Variants in TTLL1 observed in about 807,000 individuals in gnomAD.
TTLL1 encodes the protein TTL family tubulin polyglutamylase complex subunit L1.
A neutral mutation model predicts 47.8 loss-of-function variants in TTLL1; 33 were observed. That is an observed-to-expected ratio of 0.69 (90% CI 0.52 to 0.92). TTLL1 has a LOEUF of 0.92. TTLL1 is among the 40% of genes least tolerant of loss of function. TTLL1 has a pLI of 0.00. For missense variants in TTLL1, 488 were observed against 547.5 expected, an observed-to-expected ratio of 0.89 and a Z score of 1.08; for synonymous variants, 225 against 214.1, an observed-to-expected ratio of 1.05 and a Z score of -0.45.
chr22:43,064,787 C>G (rs1057282452), intron 5 of TTLL1, among the ~76,000 whole-genome samples: 1 of 151,860 alleles, frequency 6.6e-6, no homozygotes, highest in Non-Finnish European at 1.5e-5. Flanking sequence ...TTGCCACAGA[C>G]TAGGGATAAA....
At position 43,087,934 on chromosome 22, in the gene TTLL1, G is replaced by T. The variant is rs148799366; in HGVS notation, c.-90+1343C>A. 4.4e-3 allele frequency among the ~76,000 whole-genome samples: 665 copies of T among 151,548 alleles called. 3 individuals are homozygous for T. The highest frequency in any genetic ancestry group is 0.015 in the African/African-American group (636 of 41,236). ...AGGCCGAGGTGGGCGGATCACCTGAGGTCAGGAGCTCGAGACCAGCCTGGC... is the reference window on the plus strand; with the variant it reads ...AGGCCGAGGTGGGCGGATCACCTGATGTCAGGAGCTCGAGACCAGCCTGGC... On this transcript the variant is annotated intron_variant, in intron 1 of 10. Transcript: ENST00000266254.
At chr22:43,075,993 G>T (rs1012495614) in intron 2 of TTLL1, among the ~76,000 whole-genome samples, 1 of 152,188 alleles carries the variant, frequency 6.6e-6, no homozygotes, top group African/African-American at 2.4e-5. Context: ...GGGGCACATG[G>T]GGCTCTGAGA....
At chr22:43,072,917 T>C (rs1928222275) in intron 3 of TTLL1, among the ~76,000 whole-genome samples, 1 of 152,236 alleles carries the variant, frequency 6.6e-6, no homozygotes, top group Non-Finnish European at 1.5e-5. Flanking sequence ...ATCTTTAATC[T>C]GCCACAAATT....
chr22:43,046,190 C>T (rs1010450225), intron 10 of TTLL1, among the ~76,000 whole-genome samples: 1 of 152,076 alleles, frequency 6.6e-6, no homozygotes, highest in African/African-American at 2.4e-5. Context: ...CACTGCAACC[C>T]AGCCTTGGCG....
chr22:43,058,793 C>T (rs959611571), intron 8 of TTLL1, among the ~76,000 whole-genome samples: 2 of 151,910 alleles, frequency 1.3e-5, no homozygotes, highest in Admixed American at 6.6e-5. Context: ...CTCCTGGGTT[C>T]AAGCAATTCT....
At chr22:43,085,055 C>T (rs1213948075) in intron 1 of TTLL1, among the ~76,000 whole-genome samples, 2 of 147,958 alleles carry the variant, frequency 1.4e-5, no homozygotes, top group Non-Finnish European at 3.0e-5. Context: ...GTAACCTCCA[C>T]TTTCCAGGTT....
At chr22:43,068,307 ACT>A (rs1927880593) in intron 5 of TTLL1, 101 bp downstream of exon 5, 6 of 1,041,184 alleles carry the variant, frequency 5.8e-6, no homozygotes, top group South Asian at 5.3e-5. Flanking sequence ...ACAGAGTGAG[ACT>A]CTGTCAAAAA....
In TTLL1 at chr22:43,075,529, A is replaced by C; in HGVS notation, c.58T>G (p.Phe20Val). The change falls in exon 3 of 11, where the codon TTT (phenylalanine) becomes GTT (valine). Residue 20 changes from phenylalanine to valine, a missense_variant. Physicochemically the swap from Phe to Val is conservative, Grantham distance 50 (BLOSUM62 -1). Transcript: ENST00000266254. ...DIEKSVLINNFEKRGWVQVTE... is the reference protein window; with the variant it reads ...DIEKSVLINNVEKRGWVQVTE... ...ACTTGGACCCATCCTCTCTTTTCAAAGTTATTGATCAGCACTGACTTCTCG... is the reference window on the plus strand; with the variant it reads ...ACTTGGACCCATCCTCTCTTTTCAACGTTATTGATCAGCACTGACTTCTCG... 1.2e-6 allele frequency: 2 copies of C among 1,614,176 alleles called. No individual in the cohort carries two copies. The highest frequency in any genetic ancestry group is 1.7e-6 in the Non-Finnish European group (2 of 1,180,038).
At chr22:43,072,761 T>G (rs1261416601) in intron 3 of TTLL1, among the ~76,000 whole-genome samples, 2 of 152,144 alleles carry the variant, frequency 1.3e-5, no homozygotes, top group East Asian at 3.9e-4. Flanking sequence ...CATGAGTCAC[T>G]GCACCCAGGC....
rs7285375 is a variant in TTLL1, at chr22:43,075,863, C to A, written c.-4-273G>T. On this transcript the variant is annotated intron_variant, in intron 2 of 10. Coordinates refer to ENST00000266254, the MANE Select transcript of TTLL1 (RefSeq NM_012263.5). ...CAGATGACCCCTCACAACCAATTATCCAGCCCCAAATGTCAACTGTGCCAA... is the reference window on the plus strand; with the variant it reads ...CAGATGACCCCTCACAACCAATTATACAGCCCCAAATGTCAACTGTGCCAA... Among the ~76,000 whole-genome samples the A allele has an allele frequency of 3.4e-3, 518 of 152,340 alleles. 4 individuals are homozygous for A. The highest frequency in any genetic ancestry group is 0.012 in the African/African-American group (495 of 41,584).
chr22:43,066,535 G>A (rs1021900303), intron 5 of TTLL1, among the ~76,000 whole-genome samples: 14 of 151,612 alleles, frequency 9.2e-5, no homozygotes, highest in African/African-American at 3.4e-4. Flanking sequence ...ATCAACCTGG[G>A]CAACATGATG....
intron 3 of TTLL1, among the ~76,000 whole-genome samples, chr22:43,071,790 G>T (rs1039810702): frequency 6.6e-6 from 1 of 152,224 alleles, no homozygotes; most frequent in African/African-American, 2.4e-5. Context: ...CACTGACTGA[G>T]GTCATTCAGA....
chr22:43,069,576 G>A (rs375141671), intron 4 of TTLL1, 60 bp downstream of exon 4: 136 of 1,608,334 alleles, frequency 8.5e-5, no homozygotes, highest in African/African-American at 1.1e-4. Flanking sequence ...AGCGCCTCGC[G>A]CCCCAAAGAA....
At chr22:43,060,492 C>T (rs1245497383) in intron 7 of TTLL1, among the ~76,000 whole-genome samples, 1 of 105,596 alleles carries the variant, frequency 9.5e-6, no homozygotes, top group East Asian at 4.2e-4. Context: ...GGAAGCCAAC[C>T]TAAGACACTG....
At chr22:43,047,569 A>T (rs907289771) in intron 9 of TTLL1, among the ~76,000 whole-genome samples, 7 of 152,062 alleles carry the variant, frequency 4.6e-5, no homozygotes, top group Non-Finnish European at 7.4e-5. Flanking sequence ...CCCGGGTTCA[A>T]GCAATTCTCC....
chr22:43,045,096 C>T (rs1009273076), intron 10 of TTLL1, among the ~76,000 whole-genome samples: 1 of 152,116 alleles, frequency 6.6e-6, no homozygotes, highest in Non-Finnish European at 1.5e-5. Context: ...CTCCTGAGCT[C>T]GTGATCCACC....
Position 43,059,592 on chromosome 22 carries a change from G to A in TTLL1, c.748-65C>T, listed in dbSNP as rs957690731. The A allele has an allele frequency of 1.4e-5, 22 of 1,522,648 alleles. No individual in the cohort carries two copies. The Middle Eastern group carries it at 7.0e-4, about 48-fold the overall frequency. The allele number at this position is 1,522,648 out of a possible 1,614,324, so 94.3% of individuals were successfully genotyped here. A position where few individuals can be genotyped will look rare whatever the true frequency, so the allele number is the denominator to read the frequency against. On this transcript the variant is annotated intron_variant, in intron 7 of 10. Coordinates refer to ENST00000266254, the MANE Select transcript of TTLL1 (RefSeq NM_012263.5). ...CACCCCAGAGGAACCCAGCGGAACC[G>A]TTGCATCCCCCAAGCATTTCTGGAG...
At chr22:43,060,631 T>C (rs1436866755) in intron 7 of TTLL1, among the ~76,000 whole-genome samples, 1 of 152,216 alleles carries the variant, frequency 6.6e-6, no homozygotes, top group Non-Finnish European at 1.5e-5. Context: ...GCTTTCCTCC[T>C]GGGCTGGGAT....
intron 5 of TTLL1, among the ~76,000 whole-genome samples, chr22:43,067,433 C>T (rs563835594): frequency 6.6e-5 from 10 of 152,208 alleles, no homozygotes; most frequent in Non-Finnish European, 1.5e-4. Flanking sequence ...GGCCACGAGT[C>T]CCAGGACTTT....
Sources: allele counts gnomAD v4.1 joint callset (sites outside exome capture counted in the v4.1 genomes callset), GRCh38; gene constraint gnomAD v4.1.1; transcripts MANE v1.5; gene names NCBI Gene and HGNC (gene_info 2026-07-23, HGNC 2026-07-21).